Variants in SPECC1 observed in about 807,000 individuals in gnomAD.
SPECC1 encodes cytospin-B.
In SPECC1, 62 loss-of-function variants were observed where a neutral mutation model predicts 104.1. The ratio of observed to expected loss-of-function variants is 0.60; its 90% CI spans 0.49 to 0.74. The LOEUF is 0.74. Among genes scored for constraint, SPECC1 ranks in the 30% least tolerant of loss-of-function variants. The pLI is 0.00. For synonymous variants in SPECC1, 513 were observed against 501.6 expected, an observed-to-expected ratio of 1.02 and a Z score of -0.30; for missense variants, 1,306 against 1,310.5, an observed-to-expected ratio of 1.00 and a Z score of 0.05.
chr17:20,085,916 A>G (rs907781106), intron 1 of SPECC1, among the ~76,000 whole-genome samples: 1 of 152,224 alleles, frequency 6.6e-6, no homozygotes, highest in South Asian at 2.1e-4. Context: ...GCGATGATCC[A>G]GGTTTTGTTC....
chr17:20,235,363 A>G (rs1005924533), intron 7 of SPECC1, among the ~76,000 whole-genome samples: 3 of 152,214 alleles, frequency 2.0e-5, no homozygotes, highest in African/African-American at 7.2e-5. Context: ...AATAGATGAA[A>G]AGATAATAAC....
intron 3 of SPECC1, among the ~76,000 whole-genome samples, chr17:20,169,526 ATT>A (rs1210139280): frequency 1.4e-5 from 2 of 146,356 alleles, no homozygotes. Context: ...TCCTTTTGGA[ATT>A]TTTTTTTTTT....
intron 3 of SPECC1, among the ~76,000 whole-genome samples, chr17:20,183,759 A>C (rs1219587925): frequency 2.0e-5 from 3 of 152,188 alleles, no homozygotes; most frequent in African/African-American, 7.2e-5. Context: ...ATATACATTC[A>C]GATGTACCCA....
chr17:20,236,803 C>T (rs1209661355), intron 7 of SPECC1: 2 of 1,608,514 alleles, frequency 1.2e-6, no homozygotes, highest in Non-Finnish European at 1.7e-6. Flanking sequence ...TGAACTAAGA[C>T]TGTATTGCCT....
chr17:20,066,751 G>GAT (rs11403090), intron 1 of SPECC1, among the ~76,000 whole-genome samples: 6 of 151,106 alleles, frequency 4.0e-5, no homozygotes, highest in East Asian at 2.0e-4. Flanking sequence ...TGCTTAAGTA[G>GAT]TTTTTTTTTT....
chr17:20,280,663 TAA>T (rs2040736306), intron 12 of SPECC1, among the ~76,000 whole-genome samples: 1 of 152,252 alleles, frequency 6.6e-6, no homozygotes, highest in Admixed American at 6.5e-5. Context: ...GCTGAGCACT[TAA>T]AAGATTCCTA....
At chr17:20,093,720 GTTTTTGTTTTTTGTT>G (rs1362165889) in intron 1 of SPECC1, among the ~76,000 whole-genome samples, 47 of 102,260 alleles carry the variant, frequency 4.6e-4, no homozygotes, top group Admixed American at 1.7e-3. Flanking sequence ...TTTTGTTTTT[GTTTTTGTTTTTTGTT>G]TTTTTTTTTT....
intron 12 of SPECC1, among the ~76,000 whole-genome samples, chr17:20,280,600 A>G (rs751796471): frequency 1.1e-4 from 17 of 152,242 alleles, no homozygotes; most frequent in Non-Finnish European, 2.2e-4. Context: ...ACCCTCTGTG[A>G]TGATGGGAAT....
intron 7 of SPECC1, among the ~76,000 whole-genome samples, chr17:20,240,077 T>TTTC: frequency 8.4e-6 from 1 of 119,200 alleles, no homozygotes; most frequent in East Asian, 2.4e-4. Flanking sequence ...TTTTTTTTTT[T>TTTC]TTTTTTTTTT....
In SPECC1 at chr17:20,253,020, A is replaced by G. The variant is rs538366196; in HGVS notation, c.2599-485A>G. Among the ~76,000 whole-genome samples, 25 of 148,140 alleles carry G rather than the reference A, an allele frequency of 1.7e-4. 2 individuals are homozygous for G. The South Asian group carries it at 5.3e-3, about 31-fold the overall frequency. ...GGAGTTTCATTTTCTCTACCTCCTC[A>G]CCAATACTTGTTCTTTTTCAGTTTT... is the stretch of plus-strand genomic sequence containing the variant. On this transcript the variant is annotated intron_variant, in intron 9 of 14. Transcript: ENST00000395527.
At chr17:20,101,790 C>A (rs969251877) in intron 2 of SPECC1, among the ~76,000 whole-genome samples, 2 of 152,176 alleles carry the variant, frequency 1.3e-5, no homozygotes, top group African/African-American at 4.8e-5. Flanking sequence ...TTTAACAAAC[C>A]CTTCCTGTGA....
At chr17:20,201,254 G>C (rs1182431583) in intron 3 of SPECC1, among the ~76,000 whole-genome samples, 2 of 151,528 alleles carry the variant, frequency 1.3e-5, no homozygotes, top group South Asian at 4.2e-4. Context: ...GAGGTCAGGA[G>C]ATCGAGACCA....
intron 1 of SPECC1, among the ~76,000 whole-genome samples, chr17:20,046,801 G>A (rs1441033766): frequency 6.6e-6 from 1 of 150,848 alleles, no homozygotes; most frequent in Non-Finnish European, 1.5e-5. Flanking sequence ...GTACAGGAGG[G>A]GCAGTGAGGA....
intron 4 of SPECC1, 78 bp from the exon 5 acceptor site, chr17:20,227,335 G>T (rs2038280981): frequency 5.7e-6 from 7 of 1,228,524 alleles, no homozygotes; most frequent in East Asian, 2.5e-5. Context: ...TCATGGTGGG[G>T]CTTGGCCTTC....
In SPECC1 at chr17:20,257,584, A is replaced by G. The variant is rs755506845; in HGVS notation, c.2814A>G (p.Ala938=). 6.2e-7 allele frequency: 1 copy of G among 1,612,920 alleles called. No homozygotes were observed. The highest frequency in any genetic ancestry group is 1.7e-5 in the Admixed American group (1 of 59,568). Residue 938 remains alanine, a synonymous_variant, in exon 11 of 15, where the codon GCA becomes GCG. Transcript: ENST00000395527. ...DTRLLSASTR[A]WKPQSKLSVE... is the part of the protein sequence containing the mutation. ...GACTGCTGAGTGCTTCCACCCGGGC[A>G]TGGAAACCACAAAGCAAACTCAGGT...
intron 2 of SPECC1, among the ~76,000 whole-genome samples, chr17:20,103,556 G>A (rs904464217): frequency 5.9e-5 from 9 of 152,218 alleles, no homozygotes; most frequent in Non-Finnish European, 1.2e-4. Context: ...GGGAGGGACA[G>A]GAATGGAGAA....
At chr17:20,211,412 G>A (rs912010888) in intron 4 of SPECC1, among the ~76,000 whole-genome samples, 4 of 152,224 alleles carry the variant, frequency 2.6e-5, no homozygotes, top group Non-Finnish European at 1.5e-5. Flanking sequence ...GAGGCCTGTG[G>A]AGGCTGTTGG....
intron 12 of SPECC1, among the ~76,000 whole-genome samples, chr17:20,275,455 G>A (rs1273033738): frequency 1.3e-5 from 2 of 152,138 alleles, no homozygotes; most frequent in East Asian, 3.8e-4. Flanking sequence ...ACCACCTTCT[G>A]TAGTAGGATT....
In SPECC1 at chr17:20,318,069, A is replaced by C. The variant is rs888902942; in HGVS notation, c.*4004A>C. The C allele has an allele frequency of 8.7e-6, 2 of 231,042 alleles. No homozygotes were observed. Among genetic ancestry groups the C allele is most frequent in the African/African-American group, 4.4e-5 (2 of 45,218 alleles). The allele number at this position is 231,042 out of a possible 1,614,324, so 14.3% of individuals were successfully genotyped here. A position where few individuals can be genotyped will look rare whatever the true frequency, so the allele number is the denominator to read the frequency against. On this transcript the variant is annotated 3_prime_UTR_variant, in exon 15 of 15. Coordinates refer to ENST00000395527, the MANE Select transcript of SPECC1 (RefSeq NM_001243439.2). ...TCCCAGTTTCTGTCCTGAGGATTTC[A>C]AAGACCACAACAGCCACATTTCTTT...
Sources: gnomAD v4.1 joint callset for allele counts (sites outside exome capture counted in the v4.1 genomes callset) on GRCh38, gnomAD v4.1.1 for gene constraint, MANE v1.5 for transcripts, NCBI Gene and HGNC (gene_info 2026-07-23, HGNC 2026-07-21) for gene names.